FRMD4A: variants seen among roughly 807,000 people sequenced by gnomAD.
The protein encoded by FRMD4A is FERM domain containing 4A.
FRMD4A carries 29 observed loss-of-function variants against 129.1 expected under a neutral mutation model. That is an observed-to-expected ratio of 0.22 (90% CI 0.17 to 0.31). The LOEUF is 0.31. Among genes scored for constraint, FRMD4A ranks in the 10% least tolerant of loss-of-function variants. The probability of loss-of-function intolerance (pLI) is 1.00; values close to 1 mark genes in which losing one functional copy is unlikely to be tolerated. For missense variants in FRMD4A, 1,272 were observed against 1,375.8 expected (o/e 0.92, Z 1.19); for synonymous variants, 634 against 571.6 (o/e 1.11, Z -1.56).
intron 2 of FRMD4A, among the ~76,000 whole-genome samples, chr10:14,223,627 G>A (rs1250294406): frequency 6.6e-6 from 1 of 151,948 alleles, no homozygotes; most frequent in Non-Finnish European, 1.5e-5. Flanking sequence ...TGCAGTCCCA[G>A]CTGCTCGGGA....
At position 13,955,112 on chromosome 10, in the gene FRMD4A, C is replaced by CT. The variant is rs71388139; in HGVS notation, c.46-96201dup. Among the ~76,000 whole-genome samples, 88 of 102,948 alleles carry CT rather than the reference C, an allele frequency of 8.5e-4. 5 individuals are homozygous for CT. Among genetic ancestry groups the CT allele is most frequent in the Non-Finnish European group, 9.8e-4 (54 of 55,114 alleles). 67.5% of individuals were successfully genotyped at this position (102,948 alleles called of 152,430 possible). ...TTCCAACCCCATGTTAATAATTCTG[C>CT]TTTTTTTTTTTTTGAGACGGAGTAT... On this transcript the variant is annotated intron_variant, in intron 2 of 24. Transcript: ENST00000357447.
intron 2 of FRMD4A, among the ~76,000 whole-genome samples, chr10:14,085,913 T>A (rs1347313302): frequency 6.6e-6 from 1 of 152,208 alleles, no homozygotes; most frequent in Non-Finnish European, 1.5e-5. Context: ...GTTCTGGCAT[T>A]CTGATTAGTA....
At chr10:13,677,419 A>T (rs2084099636) in intron 15 of FRMD4A, among the ~76,000 whole-genome samples, 1 of 152,220 alleles carries the variant, frequency 6.6e-6, no homozygotes, top group African/African-American at 2.4e-5. Flanking sequence ...AATTTGTTCC[A>T]TCGTGGAACC....
At chr10:14,072,545 C>G (rs918071204) in intron 2 of FRMD4A, among the ~76,000 whole-genome samples, 3 of 152,208 alleles carry the variant, frequency 2.0e-5, no homozygotes, top group Non-Finnish European at 4.4e-5. Context: ...CCACAAGAAG[C>G]AAGCCACCAA....
intron 2 of FRMD4A, among the ~76,000 whole-genome samples, chr10:13,885,731 T>G (rs947424283): frequency 2.0e-5 from 3 of 152,214 alleles, no homozygotes; most frequent in Non-Finnish European, 4.4e-5. Flanking sequence ...CTTCTGTACA[T>G]GGTTCTCCCC....
intron 2 of FRMD4A, among the ~76,000 whole-genome samples, chr10:14,093,444 T>A (rs1836769061): frequency 6.6e-6 from 1 of 152,066 alleles, no homozygotes; most frequent in South Asian, 2.1e-4. Flanking sequence ...GAAAGGGAGA[T>A]GGTGGTTATA....
At chr10:13,773,034 C>T (rs1297116711) in intron 6 of FRMD4A, among the ~76,000 whole-genome samples, 1 of 152,166 alleles carries the variant, frequency 6.6e-6, no homozygotes, top group African/African-American at 2.4e-5. Context: ...TTACACATTA[C>T]ATGCCTGTAT....
chr10:13,819,072 G>A (rs1357581006), intron 3 of FRMD4A, among the ~76,000 whole-genome samples: 1 of 152,112 alleles, frequency 6.6e-6, no homozygotes, highest in African/African-American at 2.4e-5. Context: ...AGGTTGCAGT[G>A]AGCCGAGATC....
At chr10:13,713,796 GTAATATATATACACATATATA>G (rs2088292795) in intron 12 of FRMD4A, among the ~76,000 whole-genome samples, 1 of 111,372 alleles carries the variant, frequency 9.0e-6, no homozygotes, top group Non-Finnish European at 1.8e-5. Flanking sequence ...ATACATATAT[GTAATATATATACACATATATA>G]TAATATATAT....
chr10:13,952,420 G>A (rs1451328654), intron 2 of FRMD4A, among the ~76,000 whole-genome samples: 1 of 152,062 alleles, frequency 6.6e-6, no homozygotes, highest in Non-Finnish European at 1.5e-5. Flanking sequence ...AGGATCACTT[G>A]AGCCCAGGAG....
intron 2 of FRMD4A, among the ~76,000 whole-genome samples, chr10:14,163,136 G>A (rs565403416): frequency 3.2e-4 from 48 of 152,262 alleles, no homozygotes; most frequent in African/African-American, 1.1e-3. Context: ...AAAAAACCCC[G>A]ATGAAGTAAG....
chr10:14,061,506 C>G (rs1834812674), intron 2 of FRMD4A, among the ~76,000 whole-genome samples: 1 of 152,050 alleles, frequency 6.6e-6, no homozygotes, highest in Admixed American at 6.6e-5. Flanking sequence ...TATTGATTAT[C>G]AAAGGGTAGA....
chr10:13,654,435 TGTG>T lies in FRMD4A; in HGVS notation c.3028_3030del (p.His1010del), dbSNP rs2081963111. Reference sequence around the variant, plus strand: ...ACTCACCCAGTCTGCCAGGTTAGGATGTGGTGGGGGCTGCTTGGGGGGGTGGCT... The same window carrying T: ...ACTCACCCAGTCTGCCAGGTTAGGATGTGGGGGCTGCTTGGGGGGGTGGCT... On this transcript the variant is annotated inframe_deletion, in exon 23 of 25. Transcript: ENST00000357447. 6.2e-7 allele frequency: 1 copy of T among 1,608,452 alleles called. No individual in the cohort carries two copies. The highest frequency in any genetic ancestry group is 8.5e-7 in the Non-Finnish European group (1 of 1,174,874).
At chr10:13,935,179 C>G (rs1194381914) in intron 2 of FRMD4A, among the ~76,000 whole-genome samples, 1 of 152,084 alleles carries the variant, frequency 6.6e-6, no homozygotes, top group Admixed American at 6.6e-5. Context: ...TGGCTCATGC[C>G]TGTAATCCCA....
At position 13,972,244 on chromosome 10, in the gene FRMD4A, T is replaced by C. The variant is rs995007184; in HGVS notation, c.46-113332A>G. The C allele has an allele frequency of 3.3e-5, 33 of 995,052 alleles. No homozygotes were observed. The African/African-American group carries it at 5.0e-4, about 15-fold the overall frequency. The allele number at this position is 995,052 out of a possible 1,614,324, so 61.6% of individuals were successfully genotyped here. On this transcript the variant is annotated intron_variant, in intron 2 of 24. Transcript: ENST00000357447. ...GGTGAGAAAGCTAAGAGCAGAGAGCTGCAGCCTTCCCTGCAACATTCCCCA... is the reference window on the plus strand; with the variant it reads ...GGTGAGAAAGCTAAGAGCAGAGAGCCGCAGCCTTCCCTGCAACATTCCCCA...
chr10:14,250,984 T>C (rs2132020127), intron 2 of FRMD4A, among the ~76,000 whole-genome samples: 1 of 152,318 alleles, frequency 6.6e-6, no homozygotes, highest in Middle Eastern at 3.4e-3. Flanking sequence ...TTGCATAGTT[T>C]CTAGCTGTAT....
chr10:13,717,709 T>C (rs1475620543), intron 12 of FRMD4A, among the ~76,000 whole-genome samples: 3 of 120,634 alleles, frequency 2.5e-5, no homozygotes, highest in African/African-American at 1.0e-4. Context: ...TTTTTTTTTT[T>C]TCCAGGGGTG....
intron 12 of FRMD4A, among the ~76,000 whole-genome samples, chr10:13,730,859 C>CAAAAAAAAAAAAAAA (rs10639026): frequency 6.6e-5 from 6 of 90,840 alleles, no homozygotes; most frequent in Non-Finnish European, 8.5e-5. Context: ...ACTAAAAATA[C>CAAAAAAAAAAAAAAA]AAAAAAAAAA....
intron 13 of FRMD4A, 56 bp from the exon 14 acceptor site, chr10:13,701,534 C>T: frequency 1.3e-6 from 2 of 1,550,518 alleles, no homozygotes; most frequent in Non-Finnish European, 8.8e-7. Context: ...GAAACCATTT[C>T]TCAGTCAACA....
Sources: allele counts gnomAD v4.1 joint callset (sites outside exome capture counted in the v4.1 genomes callset), GRCh38; gene constraint gnomAD v4.1.1; transcripts MANE v1.5; gene names NCBI Gene and HGNC (gene_info 2026-07-23, HGNC 2026-07-21).